THADA: variants seen among roughly 807,000 people sequenced by gnomAD.
THADA encodes the protein tRNA (32-2'-O)-methyltransferase regulator THADA.
Under a neutral mutation model 219.8 loss-of-function variants are expected in THADA, and 213 were observed. That is an observed-to-expected ratio of 0.97 (90% CI 0.87 to 1.09). THADA has a LOEUF of 1.09. Ranked by LOEUF, THADA falls within the 50% of genes least tolerant of loss-of-function variation. The pLI is 0.00. For synonymous variants in THADA, 1,018 were observed against 828.9 expected, an observed-to-expected ratio of 1.23 and a Z score of -3.92; for missense variants, 2,956 against 2,311.3, an observed-to-expected ratio of 1.28 and a Z score of -5.72.
At chr2:43,335,496 A>G (rs1314497945) in intron 30 of THADA, among the ~76,000 whole-genome samples, 1 of 152,174 alleles carries the variant, frequency 6.6e-6, no homozygotes, top group East Asian at 1.9e-4. Flanking sequence ...CTAAAATTCT[A>G]GGTCAATGAT....
At chr2:43,465,888 A>G (rs1463982175) in intron 26 of THADA, among the ~76,000 whole-genome samples, 1 of 152,174 alleles carries the variant, frequency 6.6e-6, no homozygotes, top group East Asian at 1.9e-4. Context: ...TTCCCCCACC[A>G]GTCTGTTCCT....
chr2:43,425,446 A>ATG (rs70963396), intron 28 of THADA, among the ~76,000 whole-genome samples: 35,526 of 140,172 alleles, frequency 0.25, 4,848 homozygotes, highest in East Asian at 0.64. Flanking sequence ...TTAAAATTGT[A>ATG]TGTGTGTGTG....
At chr2:43,253,884 C>T (rs1222471559) in intron 36 of THADA, among the ~76,000 whole-genome samples, 1 of 152,098 alleles carries the variant, frequency 6.6e-6, no homozygotes, top group Admixed American at 6.5e-5. Context: ...GTTCTTTGGC[C>T]TAGCATTCCA....
At chr2:43,365,434 G>T (rs924763314) in intron 29 of THADA, among the ~76,000 whole-genome samples, 2 of 151,958 alleles carry the variant, frequency 1.3e-5, no homozygotes, top group African/African-American at 4.8e-5. Context: ...AGCTGGGCGT[G>T]GTGGCAGGCG....
intron 29 of THADA, among the ~76,000 whole-genome samples, chr2:43,379,673 C>T (rs1671774703): frequency 6.6e-6 from 1 of 152,136 alleles, no homozygotes; most frequent in East Asian, 1.9e-4. Context: ...TACCACATGA[C>T]CCAGCAATCC....
At chr2:43,577,802 T>C (rs1366543321) in intron 9 of THADA, among the ~76,000 whole-genome samples, 1 of 152,112 alleles carries the variant, frequency 6.6e-6, no homozygotes, top group African/African-American at 2.4e-5. Context: ...CTAAAGCACA[T>C]GATTTGGGTT....
chr2:43,393,764 T>TAAC lies in THADA; in HGVS notation c.4227+4204_4227+4206dup, dbSNP rs200202422. Among the ~76,000 whole-genome samples the TAAC allele has an allele frequency of 9.0e-3, 1,338 of 148,248 alleles. 4 individuals carry two copies. The highest frequency in any genetic ancestry group is 0.022 in the South Asian group (105 of 4,668). On this transcript the variant is annotated intron_variant, in intron 29 of 37. Coordinates refer to ENST00000405975, the MANE Select transcript of THADA (RefSeq NM_022065.5). ...CAACAGATCACCTTTTATTTGTACA[T>TAAC]AACAACAACAACAACAACAAAAGAC...
At chr2:43,528,374 C>A (rs997310668) in intron 21 of THADA, among the ~76,000 whole-genome samples, 13 of 152,136 alleles carry the variant, frequency 8.5e-5, no homozygotes, top group Non-Finnish European at 4.4e-5. Context: ...AGGTGATCTG[C>A]CCACCTTGGT....
chr2:43,291,722 A>C lies in THADA; in HGVS notation c.4984T>G (p.Ser1662Ala). Residue 1662 changes from serine to alanine, a missense_variant, in exon 34 of 38, where the codon TCC becomes GCC. Coordinates refer to ENST00000405975, the MANE Select transcript of THADA (RefSeq NM_022065.5). ...VALRLASKVI[S>A]HHMQTCVENR... Reference sequence around the variant, plus strand: ...TCCACACATGTCTGCATGTGGTGGGAAATGACTTTGGAAGCAAGTCTCAGA... The same window carrying C: ...TCCACACATGTCTGCATGTGGTGGGCAATGACTTTGGAAGCAAGTCTCAGA... 6.4e-7 allele frequency: 1 copy of C among 1,558,008 alleles called. No homozygotes were observed. Among genetic ancestry groups the C allele is most frequent in the South Asian group, 1.2e-5 (1 of 84,302 alleles).
chr2:43,540,164 C>A (rs536972449), intron 21 of THADA, among the ~76,000 whole-genome samples: 1 of 152,222 alleles, frequency 6.6e-6, no homozygotes, highest in East Asian at 1.9e-4. Flanking sequence ...ATTGGCACTA[C>A]AGCCAGTCAC....
At chr2:43,282,588 G>A (rs554973681) in intron 35 of THADA, among the ~76,000 whole-genome samples, 1 of 152,264 alleles carries the variant, frequency 6.6e-6, no homozygotes, top group East Asian at 1.9e-4. Context: ...TCTACTAATA[G>A]GTGAGAAGAG....
chr2:43,303,656 A>G (rs1676512189), intron 31 of THADA, among the ~76,000 whole-genome samples: 1 of 150,122 alleles, frequency 6.7e-6, no homozygotes, highest in East Asian at 2.0e-4. Flanking sequence ...TGGTAATATC[A>G]TTACCACATA....
At chr2:43,507,381 G>GT (rs1689811375) in intron 23 of THADA, among the ~76,000 whole-genome samples, 1 of 152,168 alleles carries the variant, frequency 6.6e-6, no homozygotes, top group Non-Finnish European at 1.5e-5. Context: ...CAAATATGCA[G>GT]TGAGACCTTG....
chr2:43,232,988 C>T, intron 36 of THADA, 106 bp from the exon 37 acceptor site: 1 of 1,250,830 alleles, frequency 8.0e-7, no homozygotes, highest in Non-Finnish European at 1.1e-6. Context: ...AAAATCGCTG[C>T]CACCAGCCTG....
chr2:43,340,306 C>A (rs1030459133), intron 30 of THADA, among the ~76,000 whole-genome samples: 1 of 152,228 alleles, frequency 6.6e-6, no homozygotes, highest in Non-Finnish European at 1.5e-5. Context: ...GACCACTCAT[C>A]ACCAAAAATT....
chr2:43,404,299 C>T (rs976982298), intron 28 of THADA, among the ~76,000 whole-genome samples: 5 of 151,940 alleles, frequency 3.3e-5, no homozygotes, highest in African/African-American at 1.2e-4. Flanking sequence ...CTCCAGTGAT[C>T]CTCCCACCTC....
chr2:43,431,453 TA>T (rs1478690264), intron 26 of THADA, among the ~76,000 whole-genome samples: 1 of 152,082 alleles, frequency 6.6e-6, no homozygotes, highest in Non-Finnish European at 1.5e-5. Flanking sequence ...CATATAAATG[TA>T]ATAATACATT....
At chr2:43,547,849 C>A (rs561056879) in intron 20 of THADA, among the ~76,000 whole-genome samples, 76 of 152,316 alleles carry the variant, frequency 5.0e-4, no homozygotes, top group African/African-American at 1.7e-3. Flanking sequence ...TCATCTGAAG[C>A]CTTCTTCTCT....
chr2:43,295,005 T>C (rs1235872399), intron 31 of THADA, among the ~76,000 whole-genome samples: 1 of 152,166 alleles, frequency 6.6e-6, no homozygotes, highest in Admixed American at 6.5e-5. Context: ...ATGCCTGTAA[T>C]CCCAACATTT....
Sources: gnomAD v4.1 joint callset for allele counts (sites outside exome capture counted in the v4.1 genomes callset) on GRCh38, gnomAD v4.1.1 for gene constraint, MANE v1.5 for transcripts, NCBI Gene and HGNC (gene_info 2026-07-23, HGNC 2026-07-21) for gene names.